The following TMTC1 variants were observed in gnomAD, a reference collection of about 807,000 sequenced individuals.
TMTC1 encodes protein O-mannosyl-transferase TMTC1.
TMTC1 carries 73 observed loss-of-function variants against 104.8 expected under a neutral mutation model. That is an observed-to-expected ratio of 0.70 (90% CI 0.58 to 0.85). The LOEUF is 0.85. Among genes scored for constraint, TMTC1 ranks in the 40% least tolerant of loss-of-function variants. The pLI, the probability that TMTC1 is intolerant of heterozygous loss-of-function variation, is 0.00. For missense variants in TMTC1, 1,035 were observed against 1,096.1 expected (o/e 0.94, Z 0.79); for synonymous variants, 434 against 428.7 (o/e 1.01, Z -0.15).
intron 1 of TMTC1, among the ~76,000 whole-genome samples, chr12:29,775,696 A>G (rs1224168715): frequency 6.6e-6 from 1 of 152,116 alleles, no homozygotes; most frequent in Non-Finnish European, 1.5e-5. Context: ...TGTAGGCACA[A>G]TTGATTGAAA....
chr12:29,556,054 T>TC (rs1451425529), intron 10 of TMTC1, among the ~76,000 whole-genome samples: 81 of 150,696 alleles, frequency 5.4e-4, no homozygotes, highest in Admixed American at 5.4e-3. Flanking sequence ...TTGTTAACCT[T>TC]TTTTTTTTAA....
intron 10 of TMTC1, among the ~76,000 whole-genome samples, chr12:29,555,476 C>A (rs1393681374): frequency 2.7e-5 from 4 of 148,644 alleles, no homozygotes; most frequent in Middle Eastern, 3.4e-3. Context: ...CCTCCTCTTG[C>A]CCCCTACCCC....
intron 9 of TMTC1, 104 bp downstream of exon 9, chr12:29,572,001 A>C: frequency 5.7e-6 from 5 of 876,518 alleles, no homozygotes; most frequent in Non-Finnish European, 9.1e-6. Flanking sequence ...GTTTACTGTC[A>C]AGAGAAACAA....
At chr12:29,600,830 G>A (rs942434421) in intron 7 of TMTC1, among the ~76,000 whole-genome samples, 4 of 152,284 alleles carry the variant, frequency 2.6e-5, no homozygotes, top group African/African-American at 4.8e-5. Flanking sequence ...GTGATGGTAC[G>A]TGTTAGTCCA....
In TMTC1 at chr12:29,745,618, C is replaced by CAAAAAA. The variant is rs71444341; in HGVS notation, c.938+6042_938+6047dup. On this transcript the variant is annotated intron_variant, in intron 5 of 17. Coordinates refer to ENST00000539277, the MANE Select transcript of TMTC1 (RefSeq NM_001193451.2). ...CCTGAGCAACAGAGCGAGACTCAAT[C>CAAAAAA]AAAAAAAAAAAAAAAAAAAAAGAAA... 8.4e-3 allele frequency among the ~76,000 whole-genome samples: 703 copies of CAAAAAA among 84,032 alleles called. 20 individuals carry two copies. The highest frequency in any genetic ancestry group is 0.018 in the South Asian group (37 of 2,018). 55.1% of individuals were successfully genotyped at this position (84,032 alleles called of 152,430 possible).
chr12:29,534,256 TG>T (rs1260627024), intron 11 of TMTC1: 1 of 152,232 alleles, frequency 6.6e-6, no homozygotes, highest in Admixed American at 6.5e-5. Context: ...GAAGATAGGA[TG>T]TTGAAAGTCA....
chr12:29,697,856 C>G (rs1156682440), intron 5 of TMTC1, among the ~76,000 whole-genome samples: 1 of 152,154 alleles, frequency 6.6e-6, no homozygotes, highest in East Asian at 1.9e-4. Flanking sequence ...GTTCAAAATT[C>G]ACTGAGTTAA....
chr12:29,617,328 T>C (rs974922422), intron 6 of TMTC1, among the ~76,000 whole-genome samples: 5 of 152,056 alleles, frequency 3.3e-5, no homozygotes, highest in African/African-American at 1.2e-4. Flanking sequence ...TCCTCATCAA[T>C]GGTTCTCTTG....
At chr12:29,519,323 A>G (rs1175600007) in intron 12 of TMTC1, 1 of 152,318 alleles carries the variant, frequency 6.6e-6, no homozygotes, top group Admixed American at 6.5e-5. Flanking sequence ...CACACACAAA[A>G]ATTTTCCACT....
At chr12:29,720,013 T>C (rs1565792298) in intron 5 of TMTC1, among the ~76,000 whole-genome samples, 1 of 152,176 alleles carries the variant, frequency 6.6e-6, no homozygotes, top group Non-Finnish European at 1.5e-5. Flanking sequence ...CAGGGTTGCA[T>C]GTCTTAAGGA....
chr12:29,633,611 T>C (rs980105744), intron 5 of TMTC1, among the ~76,000 whole-genome samples: 2 of 152,204 alleles, frequency 1.3e-5, no homozygotes, highest in African/African-American at 2.4e-5. Flanking sequence ...AAAATTATCA[T>C]ACAAATAAAC....
chr12:29,550,933 C>CAAAAAAAAAAA lies in TMTC1; in HGVS notation c.1676+5913_1676+5923dup, dbSNP rs200605964. On this transcript the variant is annotated intron_variant, in intron 10 of 17. Coordinates refer to ENST00000539277, the MANE Select transcript of TMTC1 (RefSeq NM_001193451.2). ...TGGGGGAGAGAGTGGGACTCCATCT[C>CAAAAAAAAAAA]AAAAAAAAAAAAAAAAAAAAAAAAA... 2.5e-4 allele frequency among the ~76,000 whole-genome samples: 27 copies of CAAAAAAAAAAA among 108,320 alleles called. 3 individuals are homozygous for CAAAAAAAAAAA. Among genetic ancestry groups the CAAAAAAAAAAA allele is most frequent in the African/African-American group, 1.0e-3 (26 of 25,288 alleles). 71.1% of individuals were successfully genotyped at this position (108,320 alleles called of 152,430 possible). A position where few individuals can be genotyped will look rare whatever the true frequency, so the allele number is the denominator to read the frequency against.
At chr12:29,675,299 C>G (rs558257337) in intron 5 of TMTC1, among the ~76,000 whole-genome samples, 1 of 152,124 alleles carries the variant, frequency 6.6e-6, no homozygotes, top group South Asian at 2.1e-4. Context: ...TCCAACTGAA[C>G]GTCCACTGAA....
At chr12:29,768,132 A>G in intron 1 of TMTC1, 57 bp from the exon 2 acceptor site, 3 of 1,241,886 alleles carry the variant, frequency 2.4e-6, no homozygotes, top group Non-Finnish European at 3.3e-6. Context: ...CAACATAAAC[A>G]CAAGGAACAC....
intron 15 of TMTC1, 34 bp from the exon 16 acceptor site, chr12:29,514,638 C>T (rs1480609091): frequency 3.2e-6 from 5 of 1,582,010 alleles, no homozygotes; most frequent in Non-Finnish European, 4.3e-6. Flanking sequence ...AGAATAAATG[C>T]AGATTAGGTA....
chr12:29,679,309 C>T (rs1304923399), intron 5 of TMTC1, among the ~76,000 whole-genome samples: 1 of 152,080 alleles, frequency 6.6e-6, no homozygotes. Flanking sequence ...TGATATGATT[C>T]ATGTATTTTA....
At chr12:29,579,357 G>A (rs1025806364) in intron 8 of TMTC1, among the ~76,000 whole-genome samples, 1 of 152,194 alleles carries the variant, frequency 6.6e-6, no homozygotes, top group Non-Finnish European at 1.5e-5. Context: ...GACCCGCAGA[G>A]CTTAAAATAT....
rs142636851 is a variant in TMTC1, at chr12:29,659,472, C to G, written c.939-26136G>C. ...CTTGCTTCCTCTCTCTCTATGTGAT[C>G]ACTGCACACAGTCAGCTCACCATCA... On this transcript the variant is annotated intron_variant, in intron 5 of 17. Coordinates refer to ENST00000539277, the MANE Select transcript of TMTC1 (RefSeq NM_001193451.2). Among the ~76,000 whole-genome samples, 834 of 152,308 alleles carry G rather than the reference C, an allele frequency of 5.5e-3. 8 individuals carry two copies. The highest frequency in any genetic ancestry group is 0.019 in the African/African-American group (781 of 41,560).
intron 5 of TMTC1, among the ~76,000 whole-genome samples, chr12:29,689,266 T>C (rs923922937): frequency 6.6e-6 from 1 of 152,144 alleles, no homozygotes; most frequent in Non-Finnish European, 1.5e-5. Context: ...ACTGGTTTTT[T>C]TTTTTTTATT....
Sources: gnomAD v4.1 joint callset for allele counts (sites outside exome capture counted in the v4.1 genomes callset) on GRCh38, gnomAD v4.1.1 for gene constraint, MANE v1.5 for transcripts, NCBI Gene and HGNC (gene_info 2026-07-23, HGNC 2026-07-21) for gene names.